The following ZMAT4 variants were observed in gnomAD, a reference collection of about 807,000 sequenced individuals.
ZMAT4 encodes zinc finger matrin-type protein 4.
A neutral mutation model predicts 28.7 loss-of-function variants in ZMAT4; 17 were observed. The observed-to-expected ratio is 0.59, with a 90% CI of 0.41 to 0.89. The LOEUF is 0.89. Ranked by LOEUF, ZMAT4 falls within the 40% of genes least tolerant of loss-of-function variation. The pLI, the probability that ZMAT4 is intolerant of heterozygous loss-of-function variation, is 0.00. For synonymous variants in ZMAT4, 117 were observed against 109.2 expected (o/e 1.07, Z -0.44); for missense variants, 240 against 283.8 (o/e 0.85, Z 1.11).
chr8:40,592,255 G>T (rs139645627), intron 5 of ZMAT4, among the ~76,000 whole-genome samples: 2 of 152,138 alleles, frequency 1.3e-5, no homozygotes, highest in African/African-American at 2.4e-5. Flanking sequence ...GAATGGGGGC[G>T]CATCCAATCT....
chr8:40,754,607 G>A (rs1331387292), intron 3 of ZMAT4, among the ~76,000 whole-genome samples: 1 of 152,016 alleles, frequency 6.6e-6, no homozygotes, highest in Non-Finnish European at 1.5e-5. Context: ...TATTCCACCT[G>A]GGGGTATAGT....
At chr8:40,551,418 T>C (rs778780931) in intron 6 of ZMAT4, among the ~76,000 whole-genome samples, 7 of 152,324 alleles carry the variant, frequency 4.6e-5, no homozygotes, top group Admixed American at 1.3e-4. Context: ...TTCAATTAAA[T>C]ATATCATCAT....
intron 5 of ZMAT4, among the ~76,000 whole-genome samples, chr8:40,631,556 A>C (rs1806583483): frequency 6.6e-6 from 1 of 152,222 alleles, no homozygotes; most frequent in Non-Finnish European, 1.5e-5. Context: ...AATGCGAGAT[A>C]TATGCAGTTC....
intron 2 of ZMAT4, among the ~76,000 whole-genome samples, chr8:40,797,213 T>C (rs1045834442): frequency 6.6e-5 from 10 of 152,164 alleles, no homozygotes; most frequent in Admixed American, 6.5e-4. Flanking sequence ...CACCACATCC[T>C]ACTCCACTAG....
intron 2 of ZMAT4, among the ~76,000 whole-genome samples, chr8:40,811,477 G>T (rs1260645544): frequency 6.6e-6 from 1 of 152,174 alleles, no homozygotes; most frequent in African/African-American, 2.4e-5. Context: ...CAATCAGGAG[G>T]CATTCACAAG....
At chr8:40,671,249 A>C (rs1353279294) in intron 5 of ZMAT4, among the ~76,000 whole-genome samples, 1 of 152,146 alleles carries the variant, frequency 6.6e-6, no homozygotes, top group Non-Finnish European at 1.5e-5. Context: ...TAACGCAACT[A>C]TTTTAGATTT....
intron 4 of ZMAT4, among the ~76,000 whole-genome samples, chr8:40,688,481 A>G (rs1809518198): frequency 6.6e-6 from 1 of 152,052 alleles, no homozygotes; most frequent in Admixed American, 6.5e-5. Flanking sequence ...AATAAAAACA[A>G]AATAAAATAA....
At chr8:40,829,514 A>G (rs1816199528) in intron 1 of ZMAT4, among the ~76,000 whole-genome samples, 1 of 152,178 alleles carries the variant, frequency 6.6e-6, no homozygotes, top group African/African-American at 2.4e-5. Context: ...GGTATCAGGA[A>G]TAAAGGAAGC....
intron 5 of ZMAT4, among the ~76,000 whole-genome samples, chr8:40,635,925 CT>C (rs1806775878): frequency 6.6e-6 from 1 of 152,148 alleles, no homozygotes; most frequent in African/African-American, 2.4e-5. Flanking sequence ...GAAAAGATTT[CT>C]GAGTTCTGGA....
intron 2 of ZMAT4, among the ~76,000 whole-genome samples, chr8:40,791,170 T>C (rs1381761084): frequency 6.6e-6 from 1 of 152,010 alleles, no homozygotes; most frequent in East Asian, 1.9e-4. Flanking sequence ...CCTAAAATAA[T>C]AAAACTTCTA....
chr8:40,836,247 A>G (rs945846330), intron 1 of ZMAT4, among the ~76,000 whole-genome samples: 3 of 152,226 alleles, frequency 2.0e-5, no homozygotes, highest in Non-Finnish European at 4.4e-5. Flanking sequence ...ATCAACAAAC[A>G]ATGGGGAGAT....
chr8:40,884,880 TG>T (rs1358201699), intron 1 of ZMAT4: 2 of 152,278 alleles, frequency 1.3e-5, no homozygotes, highest in African/African-American at 4.8e-5. Flanking sequence ...GCTTCCGTGC[TG>T]CAGCAGCAAT....
chr8:40,718,578 C>T (rs1225953184), intron 3 of ZMAT4, among the ~76,000 whole-genome samples: 1 of 152,098 alleles, frequency 6.6e-6, no homozygotes, highest in Non-Finnish European at 1.5e-5. Flanking sequence ...GGAGGAAAAA[C>T]ATAAATCACC....
chr8:40,741,167 G>A (rs564945144), intron 3 of ZMAT4, among the ~76,000 whole-genome samples: 1 of 152,074 alleles, frequency 6.6e-6, no homozygotes, highest in South Asian at 2.1e-4. Flanking sequence ...GACATTGGCC[G>A]GGCATGGTGG....
intron 2 of ZMAT4, among the ~76,000 whole-genome samples, chr8:40,812,535 T>C (rs1391764120): frequency 3.9e-5 from 6 of 152,172 alleles, no homozygotes; most frequent in Admixed American, 3.9e-4. Context: ...AGAGACATGA[T>C]GCAAAATATA....
intron 1 of ZMAT4, among the ~76,000 whole-genome samples, chr8:40,864,897 G>T: frequency 6.6e-6 from 1 of 152,266 alleles, no homozygotes; most frequent in African/African-American, 2.4e-5. Flanking sequence ...TATGAGGTAC[G>T]AAGTTCCTAA....
At chr8:40,675,489 GT>G (rs1286021097) in intron 4 of ZMAT4, among the ~76,000 whole-genome samples, 1 of 152,108 alleles carries the variant, frequency 6.6e-6, no homozygotes, top group East Asian at 1.9e-4. Flanking sequence ...AATTATTTTT[GT>G]GTGTGTATAA....
At chr8:40,775,646 C>A (rs779918462) in intron 2 of ZMAT4, among the ~76,000 whole-genome samples, 33 of 152,244 alleles carry the variant, frequency 2.2e-4, no homozygotes, top group South Asian at 4.1e-4. Context: ...CCACTAGATA[C>A]TAGCTTGGTA....
intron 1 of ZMAT4, among the ~76,000 whole-genome samples, chr8:40,868,700 C>G (rs1563255545): frequency 6.6e-6 from 1 of 152,226 alleles, no homozygotes; most frequent in Non-Finnish European, 1.5e-5. Context: ...CAAATCCCCC[C>G]TGTTCCTAAA....
Sources: gnomAD v4.1 joint callset for allele counts (sites outside exome capture counted in the v4.1 genomes callset) on GRCh38, gnomAD v4.1.1 for gene constraint, MANE v1.5 for transcripts, NCBI Gene and HGNC (gene_info 2026-07-23, HGNC 2026-07-21) for gene names.